The following CCDC89 variants were observed in gnomAD, a reference collection of about 807,000 sequenced individuals.
CCDC89 encodes the protein coiled-coil domain-containing protein 89.
CCDC89 carries 28 observed loss-of-function variants against 29.3 expected under a neutral mutation model. The observed-to-expected ratio is 0.96, with a 90% CI of 0.71 to 1.31. CCDC89 has a LOEUF of 1.31. Ranked by LOEUF, CCDC89 falls within the 50% of genes most tolerant of loss-of-function variation. The probability of loss-of-function intolerance (pLI) is 0.00; values close to 1 mark genes in which losing one functional copy is unlikely to be tolerated. For synonymous variants in CCDC89, 191 were observed against 179.7 expected (o/e 1.06, Z -0.51); for missense variants, 484 against 442.3 (o/e 1.09, Z -0.85).
At position 85,686,176 on chromosome 11, in the gene CCDC89, T is replaced by TG. The variant is rs1302490133; in HGVS notation, c.-47dup. 1.9e-6 allele frequency: 3 copies of TG among 1,561,980 alleles called. No individual in the cohort carries two copies. The highest frequency in any genetic ancestry group is 2.6e-6 in the Non-Finnish European group (3 of 1,157,026). On this transcript the variant is annotated 5_prime_UTR_variant, in exon 1 of 1. Coordinates refer to ENST00000316398, the MANE Select transcript of CCDC89 (RefSeq NM_152723.3). The stretch of plus-strand genomic sequence containing the variant: ...TCTTTTCCCCTCAGATTTCAAACGC[T>TG]GCAGGGTGTTGCTAGGGACTCTTGG...
Position 85,684,900 on chromosome 11 carries a change from T to G in CCDC89, c.*106A>C. The stretch of plus-strand genomic sequence containing the variant: ...AGTAGCTTTTCTTTGAGTTGCCTTT[T>G]GTGCTTGAAAGTATAATAAATGGGA... On this transcript the variant is annotated 3_prime_UTR_variant, in exon 1 of 1. Coordinates refer to ENST00000316398, the MANE Select transcript of CCDC89 (RefSeq NM_152723.3). The G allele has an allele frequency of 8.1e-7, 1 of 1,227,968 alleles. No individual in the cohort carries two copies. The highest frequency in any genetic ancestry group is 1.5e-5 in the African/African-American group (1 of 66,202). The allele number at this position is 1,227,968 out of a possible 1,614,324, so 76.1% of individuals were successfully genotyped here.
Position 85,685,373 on chromosome 11 carries a change from G to A in CCDC89, c.758C>T (p.Thr253Ile). 1 of 1,610,304 alleles carries A rather than the reference G, an allele frequency of 6.2e-7. No individual in the cohort carries two copies. Among genetic ancestry groups the A allele is most frequent in the South Asian group, 1.1e-5 (1 of 91,092 alleles). Reference sequence around the variant, plus strand: ...CAGCTCCTGGCTCAGGCTGCTGTGTGTCTCCTCTGCCTTAGCTATCTGCTC... The same window carrying A: ...CAGCTCCTGGCTCAGGCTGCTGTGTATCTCCTCTGCCTTAGCTATCTGCTC... Reference protein sequence around the residue: ...AVEQIAKAEETHSSLSQELQA... With the variant: ...AVEQIAKAEEIHSSLSQELQA... The change falls in exon 1 of 1, where the codon ACA becomes ATA. Residue 253 changes from threonine to isoleucine, a missense_variant. Coordinates refer to ENST00000316398, the MANE Select transcript of CCDC89 (RefSeq NM_152723.3).
rs1216817824 is a variant in CCDC89, at chr11:85,686,075, G to T, written c.56C>A (p.Pro19His). The T allele has an allele frequency of 3.1e-6, 5 of 1,614,056 alleles. No homozygotes were observed. The highest frequency in any genetic ancestry group is 4.2e-6 in the Non-Finnish European group (5 of 1,180,044). Residue 19 changes from proline to histidine, a missense_variant, in exon 1 of 1, where the codon CCT (proline) becomes CAT (histidine). Pro to His is a moderately conservative substitution (Grantham distance 77, BLOSUM62 -2). Transcript: ENST00000316398. ...QQAPRMDTPP[P>H]EERLEKQNEK... is the part of the protein sequence containing the mutation. ...ATTTTGCTTCTCTAAGCGTTCTTCA[G>T]GGGGCGGGGTGTCCATCCTGGGAGC...
chr11:85,685,505 T>A lies in CCDC89; in HGVS notation c.626A>T (p.Lys209Met). 1 of 1,613,908 alleles carries A rather than the reference T, an allele frequency of 6.2e-7. No homozygotes were observed. The highest frequency in any genetic ancestry group is 1.1e-5 in the South Asian group (1 of 91,078). Residue 209 changes from lysine to methionine, a missense_variant, in exon 1 of 1, where the codon AAG becomes ATG. Transcript: ENST00000316398. ...QDACQAQARE[K>M]ELLELQSQQA... ...CTGGCTCTGTAGCTCCAGCAGCTCC[T>A]TCTCGCGCGCCTGTGCCTGGCAGGC...
rs541933661 is a variant in CCDC89 at position 85,685,309 on chromosome 11, C to T, written c.822G>A (p.Glu274=). 144 of 1,608,044 alleles carry T rather than the reference C, an allele frequency of 9.0e-5. 1 individual carries two copies. In the South Asian group the frequency reaches 1.5e-3, roughly 17 times the overall value. The part of the protein sequence containing the change: ...RLQTVTREKE[E]LLQLSIERGK... The stretch of plus-strand genomic sequence containing the variant: ...CCCTTTCAATGGACAGCTGCAGCAA[C>T]TCCTCTTTCTCTCTAGTGACGGTCT... Residue 274 remains glutamate (E), a synonymous_variant, in exon 1 of 1, where the codon GAG becomes GAA. Coordinates refer to ENST00000316398, the MANE Select transcript of CCDC89 (RefSeq NM_152723.3).
chr11:85,685,001 C>T lies in CCDC89; in HGVS notation c.*5G>A, dbSNP rs1448435261. ...AATTGCAGGCCAGAGGAAGCAGAAA[C>T]TTCCCTATGGAGAGAGATGGCGGAG... On this transcript the variant is annotated 3_prime_UTR_variant, in exon 1 of 1. Transcript: ENST00000316398. The T allele has an allele frequency of 6.3e-7, 1 of 1,596,734 alleles. No homozygotes were observed. The highest frequency in any genetic ancestry group is 1.3e-5 in the African/African-American group (1 of 74,184).
chr11:85,685,762 C>G lies in CCDC89; in HGVS notation c.369G>C (p.Glu123Asp). The stretch of plus-strand genomic sequence containing the variant: ...TGGCTGCTAGGGTCATAAAGCGTTC[C>G]TCTAGTTTCCGACTGTACTCACCCT... ...KAQGEYSRKL[E>D]ERFMTLAANH... Residue 123 changes from glutamate to aspartate, a missense_variant, in exon 1 of 1, where the codon GAG (glutamate) becomes GAC (aspartate). Transcript: ENST00000316398. The G allele has an allele frequency of 6.2e-7, 1 of 1,614,154 alleles. No individual in the cohort carries two copies. The highest frequency in any genetic ancestry group is 1.1e-5 in the South Asian group (1 of 91,080).
rs367977811 is a variant in CCDC89, at chr11:85,686,076, G to A, written c.55C>T (p.Pro19Ser). Residue 19 changes from proline (P) to serine (S), a missense_variant, in exon 1 of 1, where the codon CCT (proline) becomes TCT (serine). Pro to Ser is a moderately conservative substitution (Grantham distance 74). Coordinates refer to ENST00000316398, the MANE Select transcript of CCDC89 (RefSeq NM_152723.3). ...TTTTGCTTCTCTAAGCGTTCTTCAG[G>A]GGGCGGGGTGTCCATCCTGGGAGCC... Reference protein sequence around the residue: ...QQAPRMDTPPPEERLEKQNEK... With the variant: ...QQAPRMDTPPSEERLEKQNEK... The A allele has an allele frequency of 1.2e-5, 19 of 1,614,000 alleles. No homozygotes were observed. In the African/African-American group the frequency reaches 1.6e-4, roughly 14 times the overall value.
At position 85,685,840 on chromosome 11, in the gene CCDC89, G is replaced by C. The variant is rs182189698; in HGVS notation, c.291C>G (p.Leu97=). Residue 97 remains leucine, a synonymous_variant, in exon 1 of 1, where the codon CTC becomes CTG. Transcript: ENST00000316398. ...TCATCTTCTCCTCCAGCTCTGCATT[G>C]AGCAGCTCTAGGATCTGGCAGCGCT... ...ALERCQILEL[L]NAELEEKMMQ... is the part of the protein sequence containing the mutation. 3 of 1,613,960 alleles carry C rather than the reference G, an allele frequency of 1.9e-6. No individual in the cohort carries two copies. The highest frequency in any genetic ancestry group is 2.5e-6 in the Non-Finnish European group (3 of 1,180,050).
In CCDC89 at chr11:85,684,839, A is replaced by G; in HGVS notation, c.*167T>C. On this transcript the variant is annotated 3_prime_UTR_variant, in exon 1 of 1. Transcript: ENST00000316398. Reference sequence around the variant, plus strand: ...TCTAGGTGTAGAAATGAAAATTAATAATGGCTTTACAATAATAACAACAAT... The same window carrying G: ...TCTAGGTGTAGAAATGAAAATTAATGATGGCTTTACAATAATAACAACAAT... 7 of 728,030 alleles carry G rather than the reference A, an allele frequency of 9.6e-6. No individual in the cohort carries two copies. Among genetic ancestry groups the G allele is most frequent in the Non-Finnish European group, 1.5e-5 (7 of 467,464 alleles). The allele number at this position is 728,030 out of a possible 1,614,324, so 45.1% of individuals were successfully genotyped here. A position where few individuals can be genotyped will look rare whatever the true frequency, so the allele number is the denominator to read the frequency against.
rs918310005 is a variant in CCDC89, at chr11:85,684,777, C to A, written c.*229G>T. 11 of 511,620 alleles carry A rather than the reference C, an allele frequency of 2.2e-5. No homozygotes were observed. The highest frequency in any genetic ancestry group is 7.8e-5 in the African/African-American group (4 of 51,452). 31.7% of individuals were successfully genotyped at this position (511,620 alleles called of 1,614,324 possible). A position where few individuals can be genotyped will look rare whatever the true frequency, so the allele number is the denominator to read the frequency against. On this transcript the variant is annotated 3_prime_UTR_variant, in exon 1 of 1. Coordinates refer to ENST00000316398, the MANE Select transcript of CCDC89 (RefSeq NM_152723.3). ...GATACTACTAGTAAATTTAAGATTT[C>A]TAAGGCACAGAAGGAAATCTGGCAA...
rs929728107 is a variant in CCDC89 at position 85,684,810 on chromosome 11, G to T, written c.*196C>A. The T allele has an allele frequency of 3.3e-6, 2 of 607,034 alleles. No homozygotes were observed. The highest frequency in any genetic ancestry group is 4.5e-4 in the Middle Eastern group (1 of 2,222). The allele number at this position is 607,034 out of a possible 1,614,324, so 37.6% of individuals were successfully genotyped here. On this transcript the variant is annotated 3_prime_UTR_variant, in exon 1 of 1. Coordinates refer to ENST00000316398, the MANE Select transcript of CCDC89 (RefSeq NM_152723.3). ...CAGAAGGAAATCTGGCAAATCTTGT[G>T]TATTCTAGGTGTAGAAATGAAAATT...
rs2083002981 is a variant in CCDC89, at chr11:85,684,564, G to T, written c.*442C>A. ...CATGCTATTATGCTGATACATGTTT[G>T]CTTACAATCTCAACTATGGGAGACT... On this transcript the variant is annotated 3_prime_UTR_variant, in exon 1 of 1. Coordinates refer to ENST00000316398, the MANE Select transcript of CCDC89 (RefSeq NM_152723.3). Among the ~76,000 whole-genome samples, 1 of 151,574 alleles carries T rather than the reference G, an allele frequency of 6.6e-6. No individual in the cohort carries two copies. Among genetic ancestry groups the T allele is most frequent in the South Asian group, 2.1e-4 (1 of 4,804 alleles).
In CCDC89 at chr11:85,685,782, C is replaced by G; in HGVS notation, c.349G>C (p.Glu117Gln). 2.5e-6 allele frequency: 4 copies of G among 1,614,164 alleles called. No homozygotes were observed. The highest frequency in any genetic ancestry group is 3.4e-6 in the Non-Finnish European group (4 of 1,180,032). Reference protein sequence around the residue: ...QEAEKLKAQGEYSRKLEERFM... With the variant: ...QEAEKLKAQGQYSRKLEERFM... ...CGTTCCTCTAGTTTCCGACTGTACT[C>G]ACCCTGGGCCTTGAGCTTCTCAGCC... is the stretch of plus-strand genomic sequence containing the variant. The change falls in exon 1 of 1, where the codon GAG becomes CAG. Residue 117 changes from glutamate (E) to glutamine (Q), a missense_variant. Transcript: ENST00000316398.
At position 85,684,034 on chromosome 11, in the gene CCDC89, CT is replaced by C. The variant is rs904821849; in HGVS notation, c.*971del. ...CAGGAAGATAAGAAAATATAACTAC[CT>C]TTGAGAACTTTTTTAAGAACTTTAC... On this transcript the variant is annotated 3_prime_UTR_variant, in exon 1 of 1. Coordinates refer to ENST00000316398, the MANE Select transcript of CCDC89 (RefSeq NM_152723.3). Among the ~76,000 whole-genome samples the C allele has an allele frequency of 1.3e-5, 2 of 152,012 alleles. No individual in the cohort carries two copies. The highest frequency in any genetic ancestry group is 2.4e-5 in the African/African-American group (1 of 41,402).
chr11:85,685,438 GCTGCGCAGCTGTTCTGT>G lies in CCDC89; in HGVS notation c.676_692del (p.Thr226ProfsTer18). The G allele has an allele frequency of 6.2e-7, 1 of 1,612,932 alleles. No homozygotes were observed. The highest frequency in any genetic ancestry group is 1.1e-5 in the South Asian group (1 of 91,086). On this transcript the variant is annotated frameshift_variant, in exon 1 of 1. Transcript: ENST00000316398. LOFTEE classifies it high-confidence loss of function. ...GCTGCTGCTTGAGGGTCTGCAGCTG[GCTGCGCAGCTGTTCTGT>G]CTCCTTGGTGTGGGTGCAGGCCTGC...
At position 85,685,757 on chromosome 11, in the gene CCDC89, C is replaced by T; in HGVS notation, c.374G>A (p.Arg125His). The T allele has an allele frequency of 6.2e-7, 1 of 1,614,156 alleles. No individual in the cohort carries two copies. Among genetic ancestry groups the T allele is most frequent in the Non-Finnish European group, 8.5e-7 (1 of 1,180,030 alleles). Residue 125 changes from arginine to histidine, a missense_variant, in exon 1 of 1, where the codon CGC (arginine) becomes CAC (histidine). By Grantham distance (29) the Arg-to-His change is conservative. Coordinates refer to ENST00000316398, the MANE Select transcript of CCDC89 (RefSeq NM_152723.3). The stretch of plus-strand genomic sequence containing the variant: ...GTGGTTGGCTGCTAGGGTCATAAAG[C>T]GTTCCTCTAGTTTCCGACTGTACTC... ...QGEYSRKLEE[R>H]FMTLAANHEL...
In CCDC89 at chr11:85,684,951, C is replaced by T. The variant is rs565388495; in HGVS notation, c.*55G>A. 5.6e-5 allele frequency: 86 copies of T among 1,535,130 alleles called. No individual in the cohort carries two copies. The South Asian group carries it at 1.1e-3, about 20-fold the overall frequency. Reference sequence around the variant, plus strand: ...TATCATCTTTACTCTTGCCATAATGCTAAGACGCAAATATTTGAATTCTGA... The same window carrying T: ...TATCATCTTTACTCTTGCCATAATGTTAAGACGCAAATATTTGAATTCTGA... On this transcript the variant is annotated 3_prime_UTR_variant, in exon 1 of 1. Coordinates refer to ENST00000316398, the MANE Select transcript of CCDC89 (RefSeq NM_152723.3).
At position 85,685,737 on chromosome 11, in the gene CCDC89, T is replaced by G. The variant is rs186551882; in HGVS notation, c.394A>C (p.Asn132His). 1.9e-5 allele frequency: 31 copies of G among 1,614,164 alleles called. No homozygotes were observed. In the African/African-American group the frequency reaches 3.2e-4, roughly 17 times the overall value. ...LEERFMTLAA[N>H]HELMLRFKDE... The stretch of plus-strand genomic sequence containing the variant: ...TTGAAGCGGAGCATCAACTCGTGGT[T>G]GGCTGCTAGGGTCATAAAGCGTTCC... The change falls in exon 1 of 1, where the codon AAC (asparagine) becomes CAC (histidine). Residue 132 changes from asparagine to histidine, a missense_variant. Physicochemically the swap from Asn to His is moderately conservative, Grantham distance 68. Coordinates refer to ENST00000316398, the MANE Select transcript of CCDC89 (RefSeq NM_152723.3).
Sources: allele counts gnomAD v4.1 joint callset (sites outside exome capture counted in the v4.1 genomes callset), GRCh38; gene constraint gnomAD v4.1.1; transcripts MANE v1.5; gene names NCBI Gene and HGNC (gene_info 2026-07-23, HGNC 2026-07-21).